Variants in AGFG1 observed in about 807,000 individuals in gnomAD.
AGFG1 encodes arf-GAP domain and FG repeat-containing protein 1.
AGFG1 carries 10 observed loss-of-function variants against 60.6 expected under a neutral mutation model. The observed-to-expected ratio is 0.16, with a 90% CI of 0.10 to 0.28. AGFG1 has a LOEUF of 0.28. Among genes scored for constraint, AGFG1 ranks in the 10% least tolerant of loss-of-function variants. The probability of loss-of-function intolerance (pLI) is 1.00; values close to 1 mark genes in which losing one functional copy is unlikely to be tolerated. For missense variants in AGFG1, 537 were observed against 676.5 expected (o/e 0.79, Z 2.29); for synonymous variants, 247 against 242.9 (o/e 1.02, Z -0.16).
rs1693077395 is a variant in AGFG1 at position 227,559,575 on chromosome 2, T to TA, written c.*5087dup. The TA allele has an allele frequency of 6.6e-6, 1 of 152,108 alleles. No homozygotes were observed. Among genetic ancestry groups the TA allele is most frequent in the Non-Finnish European group, 1.5e-5 (1 of 67,978 alleles). The allele number at this position is 152,108 out of a possible 1,614,324, so 9.4% of individuals were successfully genotyped here. A position where few individuals can be genotyped will look rare whatever the true frequency, so the allele number is the denominator to read the frequency against. ...GAGAATGTTGTGATTTGAGCTTTTATAAAAAAAGATAAGTGATCCTAGATA... is the reference window on the plus strand; with the variant it reads ...GAGAATGTTGTGATTTGAGCTTTTATAAAAAAAAGATAAGTGATCCTAGATA... On this transcript the variant is annotated 3_prime_UTR_variant, in exon 13 of 13. Coordinates refer to ENST00000310078, the MANE Select transcript of AGFG1 (RefSeq NM_004504.5).
intron 2 of AGFG1, among the ~76,000 whole-genome samples, chr2:227,516,109 T>G (rs1691643425): frequency 6.6e-6 from 1 of 152,204 alleles, no homozygotes; most frequent in Non-Finnish European, 1.5e-5. Context: ...GAAAGATGAA[T>G]AAAATTACAG....
intron 1 of AGFG1, among the ~76,000 whole-genome samples, chr2:227,491,204 T>A: frequency 6.6e-6 from 1 of 152,322 alleles, no homozygotes; most frequent in East Asian, 1.9e-4. Flanking sequence ...AGAATTTTAA[T>A]AATTCTTTCA....
At chr2:227,533,400 T>C in intron 6 of AGFG1, 149 bp from the exon 7 acceptor site, 1 of 724,736 alleles carries the variant, frequency 1.4e-6, no homozygotes, top group Non-Finnish European at 2.2e-6. Flanking sequence ...AAAACGTCAC[T>C]TGTAGTCAAA....
At chr2:227,532,141 T>G (rs1388415298) in intron 6 of AGFG1, 1 of 1,545,210 alleles carries the variant, frequency 6.5e-7, no homozygotes, top group Non-Finnish European at 8.7e-7. Context: ...TGTCCAGCAT[T>G]TAGAATGCTT....
rs1693125465 is a variant in AGFG1, at chr2:227,561,095, G to GT, written c.*6604dup. 1 of 152,070 alleles carries GT rather than the reference G, an allele frequency of 6.6e-6. No individual in the cohort carries two copies. Among genetic ancestry groups the GT allele is most frequent in the Admixed American group, 6.5e-5 (1 of 15,270 alleles). The allele number at this position is 152,070 out of a possible 1,614,324, so 9.4% of individuals were successfully genotyped here. A position where few individuals can be genotyped will look rare whatever the true frequency, so the allele number is the denominator to read the frequency against. Reference sequence around the variant, plus strand: ...AATATTGGATGAAAACTTACAGGCTGTTTTCAATATTCATTTCTGAAATAC... The same window carrying GT: ...AATATTGGATGAAAACTTACAGGCTGTTTTTCAATATTCATTTCTGAAATAC... On this transcript the variant is annotated 3_prime_UTR_variant, in exon 13 of 13. Coordinates refer to ENST00000310078, the MANE Select transcript of AGFG1 (RefSeq NM_004504.5).
At chr2:227,508,797 C>T (rs1205085566) in intron 2 of AGFG1, 1 of 372,838 alleles carries the variant, frequency 2.7e-6, no homozygotes, top group African/African-American at 2.1e-5. Context: ...TGTAAATAGT[C>T]AATAATTAAA....
chr2:227,543,162 T>C (rs1412104884), intron 10 of AGFG1, among the ~76,000 whole-genome samples: 1 of 152,234 alleles, frequency 6.6e-6, no homozygotes, highest in African/African-American at 2.4e-5. Context: ...CTCCTTCAAT[T>C]CTGCTGTGAT....
At chr2:227,499,623 G>A (rs1355643896) in intron 2 of AGFG1, among the ~76,000 whole-genome samples, 1 of 148,742 alleles carries the variant, frequency 6.7e-6, no homozygotes, top group Non-Finnish European at 1.5e-5. Context: ...CTGGGTGACA[G>A]AGTGAGACTC....
At chr2:227,548,505 A>G (rs541615002) in intron 10 of AGFG1, among the ~76,000 whole-genome samples, 16 of 152,326 alleles carry the variant, frequency 1.1e-4, no homozygotes, top group African/African-American at 3.8e-4. Context: ...TTTGTGAAAC[A>G]TGTCTCCTGT....
chr2:227,499,255 T>G (rs182896900), intron 2 of AGFG1, among the ~76,000 whole-genome samples: 35 of 152,308 alleles, frequency 2.3e-4, no homozygotes, highest in South Asian at 1.9e-3. Context: ...TTCTTTTTTT[T>G]TTCTTAATGG....
intron 10 of AGFG1, among the ~76,000 whole-genome samples, chr2:227,544,598 G>A (rs1000163107): frequency 4.6e-5 from 7 of 152,092 alleles, no homozygotes; most frequent in South Asian, 2.1e-4. Context: ...GACTGGTACC[G>A]GTTGTTCTTT....
In AGFG1 at chr2:227,560,988, C is replaced by T. The variant is rs558297761; in HGVS notation, c.*6493C>T. ...AGTTCAAAAGAAAGAATAACAGGAC[C>T]TTCTAGTCAGCAGGGCATGTTTGGA... is the stretch of plus-strand genomic sequence containing the variant. On this transcript the variant is annotated 3_prime_UTR_variant, in exon 13 of 13. Coordinates refer to ENST00000310078, the MANE Select transcript of AGFG1 (RefSeq NM_004504.5). 4 of 152,212 alleles carry T rather than the reference C, an allele frequency of 2.6e-5. No homozygotes were observed. The highest frequency in any genetic ancestry group is 4.1e-4 in the South Asian group (2 of 4,830). 9.4% of individuals were successfully genotyped at this position (152,212 alleles called of 1,614,324 possible).
At chr2:227,533,792 GTGT>G in intron 7 of AGFG1, 34 bp downstream of exon 7, 1 of 1,554,616 alleles carries the variant, frequency 6.4e-7, no homozygotes, top group Non-Finnish European at 8.8e-7. Flanking sequence ...ATACAAATTT[GTGT>G]TAAACAGTGC....
chr2:227,528,422 T>C (rs1482412492), intron 5 of AGFG1, among the ~76,000 whole-genome samples: 1 of 152,134 alleles, frequency 6.6e-6, no homozygotes, highest in East Asian at 1.9e-4. Flanking sequence ...TCTTTCCCCG[T>C]AACCCTCCAG....
intron 10 of AGFG1, among the ~76,000 whole-genome samples, chr2:227,540,848 C>A (rs894182195): frequency 1.3e-5 from 2 of 152,186 alleles, no homozygotes; most frequent in Non-Finnish European, 2.9e-5. Context: ...CACATCCTCT[C>A]CAGCATCTGT....
At position 227,472,263 on chromosome 2, in the gene AGFG1, G is replaced by A. The variant is rs184637570; in HGVS notation, c.-159G>A. On this transcript the variant is annotated 5_prime_UTR_variant, in exon 1 of 13. Transcript: ENST00000310078. ...TACCACAGCGCCCGGGCCGCGTCGAGCCCAGTACAGCCAAGCCGCTGCGGC... is the reference window on the plus strand; with the variant it reads ...TACCACAGCGCCCGGGCCGCGTCGAACCCAGTACAGCCAAGCCGCTGCGGC... The A allele has an allele frequency of 0.047, 12,588 of 268,318 alleles. 361 individuals are homozygous for A. The highest frequency in any genetic ancestry group is 0.086 in the African/African-American group (3,727 of 43,500). 16.6% of individuals were successfully genotyped at this position (268,318 alleles called of 1,614,324 possible).
At chr2:227,509,013 A>G (rs1640721699) in intron 2 of AGFG1, among the ~76,000 whole-genome samples, 1 of 152,204 alleles carries the variant, frequency 6.6e-6, no homozygotes, top group African/African-American at 2.4e-5. Context: ...AAATTTTAGC[A>G]TTAAAATGTA....
intron 1 of AGFG1, among the ~76,000 whole-genome samples, chr2:227,477,107 G>C (rs1261452924): frequency 6.6e-6 from 1 of 151,990 alleles, no homozygotes; most frequent in African/African-American, 2.4e-5. Context: ...TCGCCATGTT[G>C]GCCAGGCTCG....
chr2:227,510,164 A>C (rs1392955709), intron 2 of AGFG1, among the ~76,000 whole-genome samples: 1 of 152,080 alleles, frequency 6.6e-6, no homozygotes, highest in Non-Finnish European at 1.5e-5. Context: ...GGGGGTAGGG[A>C]GGGGTGCTTA....
Sources: gnomAD v4.1 joint callset for allele counts (sites outside exome capture counted in the v4.1 genomes callset) on GRCh38, gnomAD v4.1.1 for gene constraint, MANE v1.5 for transcripts, NCBI Gene and HGNC (gene_info 2026-07-23, HGNC 2026-07-21) for gene names.